Variants in CNR2 observed in about 807,000 individuals in gnomAD.
CNR2 encodes the protein cannabinoid receptor 2 (macrophage).
For missense variants in CNR2, 379 were observed against 439.9 expected, an observed-to-expected ratio of 0.86 and a Z score of 1.24; for synonymous variants, 172 against 182.2, an observed-to-expected ratio of 0.94 and a Z score of 0.45.
chr1:23,879,535 C>T (rs549137687), intron 1 of CNR2, among the ~76,000 whole-genome samples: 78 of 152,282 alleles, frequency 5.1e-4, no homozygotes, highest in African/African-American at 1.8e-3. Flanking sequence ...ATTACTTCAG[C>T]CCAGGTGGTC....
At position 23,871,442 on chromosome 1, in the gene CNR2, C is replaced by T. The variant is rs1005418534; in HGVS notation, c.*3093G>A. 6 of 152,174 alleles carry T rather than the reference C, an allele frequency of 3.9e-5. No individual in the cohort carries two copies. The highest frequency in any genetic ancestry group is 1.9e-4 in the East Asian group (1 of 5,200). 9.4% of individuals were successfully genotyped at this position (152,174 alleles called of 1,614,324 possible). A position where few individuals can be genotyped will look rare whatever the true frequency, so the allele number is the denominator to read the frequency against. On this transcript the variant is annotated 3_prime_UTR_variant, in exon 2 of 2. Transcript: ENST00000374472. ...ACATTTATGCTACTTGTTTGCCTTACAAAAAGATTGGTGTCTGGATTAAAA... is the reference window on the plus strand; with the variant it reads ...ACATTTATGCTACTTGTTTGCCTTATAAAAAGATTGGTGTCTGGATTAAAA...
At chr1:23,897,566 C>T (rs1640305279) in intron 1 of CNR2, among the ~76,000 whole-genome samples, 2 of 151,236 alleles carry the variant, frequency 1.3e-5, no homozygotes, top group South Asian at 4.2e-4. Flanking sequence ...ACTCTGCCTC[C>T]CGGTTTCAAG....
chr1:23,891,533 T>A (rs912989701), intron 1 of CNR2, among the ~76,000 whole-genome samples: 4 of 149,318 alleles, frequency 2.7e-5, no homozygotes, highest in African/African-American at 7.4e-5. Context: ...GCAGGAGAAT[T>A]GCTTGAATCT....
At chr1:23,912,065 G>C (rs558448608) in intron 1 of CNR2, among the ~76,000 whole-genome samples, 16 of 152,280 alleles carry the variant, frequency 1.1e-4, no homozygotes, top group Middle Eastern at 3.4e-3. Flanking sequence ...CTGTGCTGCT[G>C]CCCGCCCTGT....
At chr1:23,885,221 TG>T (rs1360148377) in intron 1 of CNR2, among the ~76,000 whole-genome samples, 1 of 151,238 alleles carries the variant, frequency 6.6e-6, no homozygotes, top group Admixed American at 6.6e-5. Context: ...GCTATGGTCA[TG>T]CTACTGCACT....
intron 1 of CNR2, among the ~76,000 whole-genome samples, chr1:23,899,020 T>C (rs2501405): frequency 0.95 from 144,717 of 152,170 alleles, 68,884 homozygotes; most frequent in East Asian, 1. Context: ...TGTATATATT[T>C]ATGGAATACA....
At chr1:23,885,958 G>A (rs1303868365) in intron 1 of CNR2, among the ~76,000 whole-genome samples, 1 of 151,278 alleles carries the variant, frequency 6.6e-6, no homozygotes, top group African/African-American at 2.4e-5. Context: ...GGGAGACCAA[G>A]GCAGGCAGAT....
chr1:23,883,866 C>T (rs918505317), intron 1 of CNR2, among the ~76,000 whole-genome samples: 17 of 142,292 alleles, frequency 1.2e-4, no homozygotes, highest in Admixed American at 7.4e-4. Flanking sequence ...ACAAAAAAAC[C>T]CCCCACAGTG....
At chr1:23,891,666 A>G (rs925435683) in intron 1 of CNR2, among the ~76,000 whole-genome samples, 1 of 150,916 alleles carries the variant, frequency 6.6e-6, no homozygotes, top group Non-Finnish European at 1.5e-5. Flanking sequence ...TTTTATAACT[A>G]CTTTGATAGC....
intron 1 of CNR2, among the ~76,000 whole-genome samples, chr1:23,894,453 GAAGGAAGGAAGGAAGC>G (rs1640243349): frequency 1.9e-4 from 1 of 5,390 alleles, no homozygotes; most frequent in South Asian, 5.4e-3. Flanking sequence ...TAAAAGGAAG[GAAGGAAGGAAGGAAGC>G]AAGGAAGGAA....
intron 1 of CNR2, among the ~76,000 whole-genome samples, chr1:23,886,188 C>CAAAAAA (rs71026697): frequency 2.3e-5 from 3 of 130,408 alleles, no homozygotes; most frequent in African/African-American, 5.8e-5. Flanking sequence ...GACTCTATTT[C>CAAAAAA]AAAAAAAAAA....
At chr1:23,901,869 A>G (rs4649136) in intron 1 of CNR2, 1,605,258 of 1,609,462 alleles carry the variant, frequency 1, 800,610 homozygotes, top group East Asian at 1. Context: ...CAGCGCCCGC[A>G]GTACTGGCAT....
At chr1:23,906,542 C>CTTTTTTTTTTTTTTTTTT (rs1454905989) in intron 1 of CNR2, among the ~76,000 whole-genome samples, 2 of 47,614 alleles carry the variant, frequency 4.2e-5, no homozygotes, top group Non-Finnish European at 5.0e-5. Flanking sequence ...TCTTTTTTTT[C>CTTTTTTTTTTTTTTTTTT]TTTCTTTTTT....
rs77497508 is a variant in CNR2, at chr1:23,911,000, G to A, written c.-46+2246C>T. ...GAGTCTTGGTTTTTCTCATCTGTAA[G>A]ATAGGGCTGCCTGTCTCTTTTCAGA... On this transcript the variant is annotated intron_variant, in intron 1 of 1. Coordinates refer to ENST00000374472, the MANE Select transcript of CNR2 (RefSeq NM_001841.3). Among the ~76,000 whole-genome samples, 98 of 152,272 alleles carry A rather than the reference G, an allele frequency of 6.4e-4. No individual in the cohort carries two copies. The East Asian group carries it at 0.017, about 27-fold the overall frequency.
intron 1 of CNR2, among the ~76,000 whole-genome samples, chr1:23,909,661 G>T (rs1024198309): frequency 6.6e-6 from 1 of 152,084 alleles, no homozygotes; most frequent in East Asian, 1.9e-4. Flanking sequence ...CTCAGTTTGG[G>T]GTGGGAGGAG....
intron 1 of CNR2, among the ~76,000 whole-genome samples, chr1:23,893,365 T>A (rs945084087): frequency 6.6e-6 from 1 of 152,190 alleles, no homozygotes; most frequent in African/African-American, 2.4e-5. Flanking sequence ...CATCACTGAG[T>A]TCAAATCTCA....
At chr1:23,886,503 TAACC>T (rs1265775066) in intron 1 of CNR2, among the ~76,000 whole-genome samples, 1 of 152,250 alleles carries the variant, frequency 6.6e-6, no homozygotes, top group Non-Finnish European at 1.5e-5. Flanking sequence ...CTTTGGTTAA[TAACC>T]ACGCATGTTG....
At chr1:23,910,774 T>C (rs927567085) in intron 1 of CNR2, among the ~76,000 whole-genome samples, 1 of 152,046 alleles carries the variant, frequency 6.6e-6, no homozygotes, top group African/African-American at 2.4e-5. Context: ...GCGTCATTTT[T>C]AGAGTTGAAG....
intron 1 of CNR2, among the ~76,000 whole-genome samples, chr1:23,876,931 T>C (rs906218550): frequency 1.3e-5 from 2 of 152,084 alleles, no homozygotes; most frequent in Admixed American, 1.3e-4. Context: ...ACCTAGATAT[T>C]GTACGGTTTA....
Sources: allele counts gnomAD v4.1 joint callset (sites outside exome capture counted in the v4.1 genomes callset), GRCh38; gene constraint gnomAD v4.1.1; transcripts MANE v1.5; gene names NCBI Gene and HGNC (gene_info 2026-07-23, HGNC 2026-07-21).